BIN1: variants seen among roughly 807,000 people sequenced by gnomAD.
BIN1 encodes the protein bridging integrator 1.
BIN1 carries 53 observed loss-of-function variants against 82.0 expected under a neutral mutation model. The observed-to-expected ratio is 0.65, with a 90% confidence interval of 0.52 to 0.81. BIN1 has a LOEUF of 0.81. BIN1 is among the 40% of genes least tolerant of loss of function. The pLI is 0.00. For synonymous variants in BIN1, 302 were observed against 328.0 expected (o/e 0.92, Z 0.86); for missense variants, 642 against 784.4 (o/e 0.82, Z 2.17).
chr2:127,069,640 G>A (rs1685607218), intron 5 of BIN1, among the ~76,000 whole-genome samples: 1 of 152,100 alleles, frequency 6.6e-6, no homozygotes, highest in South Asian at 2.1e-4. Context: ...CACCCATGGT[G>A]TAAACACAGG....
chr2:127,101,133 G>A (rs1369151448), intron 1 of BIN1, among the ~76,000 whole-genome samples: 1 of 152,022 alleles, frequency 6.6e-6, no homozygotes, highest in Non-Finnish European at 1.5e-5. Flanking sequence ...CTCTCCTTTA[G>A]CAGCCCCTCC....
rs1407654072 is a variant in BIN1 at position 127,093,400 on chromosome 2, G to C, written c.84+13460C>G. ...CCAAAACCCCTTTTCCCCAAAGCCA[G>C]CCATGAAACCCAGATAGTTCACTCT... On this transcript the variant is annotated intron_variant, in intron 1 of 18. Coordinates refer to ENST00000316724, the MANE Select transcript of BIN1 (RefSeq NM_139343.3). This position sits in a 1 kb window ranked among gnomAD's most constrained non-coding sequence, Gnocchi z 5.7. 6.6e-6 allele frequency among the ~76,000 whole-genome samples: 1 copy of C among 152,098 alleles called. No homozygotes were observed. Among genetic ancestry groups the C allele is most frequent in the Non-Finnish European group, 1.5e-5 (1 of 68,018 alleles).
rs1290036007 is a variant in BIN1 at position 127,081,891 on chromosome 2, C to G, written c.85-5185G>C. On this transcript the variant is annotated intron_variant, in intron 1 of 18. Coordinates refer to ENST00000316724, the MANE Select transcript of BIN1 (RefSeq NM_139343.3). ...GGAAGGGCGGGCTGAGAAGTGAGCC[C>G]TGTCTCGCCCCTTCCTCCCAGCAGA... is the stretch of plus-strand genomic sequence containing the variant. 10 of 1,282,302 alleles carry G rather than the reference C, an allele frequency of 7.8e-6. No individual in the cohort carries two copies. The South Asian group carries it at 1.2e-4, about 16-fold the overall frequency. The allele number at this position is 1,282,302 out of a possible 1,614,324, so 79.4% of individuals were successfully genotyped here.
intron 10 of BIN1, chr2:127,060,512 C>T: frequency 6.3e-7 from 1 of 1,591,468 alleles, no homozygotes. Flanking sequence ...GTTAGTGGCA[C>T]CTGGGAGCAG....
At chr2:127,103,054 G>C (rs1467727381) in intron 1 of BIN1, among the ~76,000 whole-genome samples, 2 of 152,200 alleles carry the variant, frequency 1.3e-5, no homozygotes, top group South Asian at 2.1e-4. Context: ...CCTGGGAAGG[G>C]GGCGGGACCC....
At chr2:127,085,638 G>A (rs1040037694) in intron 1 of BIN1, among the ~76,000 whole-genome samples, 1 of 152,036 alleles carries the variant, frequency 6.6e-6, no homozygotes, top group African/African-American at 2.4e-5. Context: ...ACCAGAGATG[G>A]GGAAACCAAG....
chr2:127,071,394 G>A (rs1685876768), intron 2 of BIN1, among the ~76,000 whole-genome samples: 1 of 152,224 alleles, frequency 6.6e-6, no homozygotes, highest in Non-Finnish European at 1.5e-5. Flanking sequence ...AGAATGCGGT[G>A]GTCATGGCCA....
rs76030620 is a variant in BIN1, at chr2:127,081,890, C to T, written c.85-5184G>A. 346 of 1,282,304 alleles carry T rather than the reference C, an allele frequency of 2.7e-4. 3 individuals carry two copies. In the African/African-American group the frequency reaches 4.3e-3, roughly 16 times the overall value. 79.4% of individuals were successfully genotyped at this position (1,282,304 alleles called of 1,614,324 possible). A position where few individuals can be genotyped will look rare whatever the true frequency, so the allele number is the denominator to read the frequency against. ...AGGAAGGGCGGGCTGAGAAGTGAGC[C>T]CTGTCTCGCCCCTTCCTCCCAGCAG... On this transcript the variant is annotated intron_variant, in intron 1 of 18. Coordinates refer to ENST00000316724, the MANE Select transcript of BIN1 (RefSeq NM_139343.3).
chr2:127,052,383 G>A, intron 14 of BIN1, 21 bp from the exon 15 acceptor site: 1 of 1,559,318 alleles, frequency 6.4e-7, no homozygotes, highest in Non-Finnish European at 8.7e-7. Context: ...GCCACGAGGA[G>A]AGAACAGGGA....
At chr2:127,100,456 C>T (rs574573598) in intron 1 of BIN1, among the ~76,000 whole-genome samples, 1 of 152,304 alleles carries the variant, frequency 6.6e-6, no homozygotes, top group African/African-American at 2.4e-5. Context: ...CCAGGCCAGA[C>T]CCCACTACTG....
rs2105075177 is a variant in BIN1 at position 127,070,565 on chromosome 2, G to A, written c.303C>T (p.Asn101=). 1.2e-6 allele frequency: 2 copies of A among 1,614,088 alleles called. No homozygotes were observed. The highest frequency in any genetic ancestry group is 1.7e-6 in the Non-Finnish European group (2 of 1,180,014). ...EPDWPGRDEA[N]KIAENNDLLW... Reference sequence around the variant, plus strand: ...GTCCCATGCTCACCTCTGCGATCTTGTTTGCCTCATCCCTGCCGGGCCAAT... The same window carrying A: ...GTCCCATGCTCACCTCTGCGATCTTATTTGCCTCATCCCTGCCGGGCCAAT... Residue 101 remains asparagine, a synonymous_variant, in exon 4 of 19, where the codon AAC becomes AAT. Transcript: ENST00000316724.
rs1043611252 is a variant in BIN1, at chr2:127,093,209, G to C, written c.84+13651C>G. On this transcript the variant is annotated intron_variant, in intron 1 of 18. Transcript: ENST00000316724. This position sits in a 1 kb window ranked among gnomAD's most constrained non-coding sequence, Gnocchi z 5.7. ...GGCTCAGAACACAGCACCCCAAAGT[G>C]TGGTGCTGTGGCTCACTGCAGACTC... Among the ~76,000 whole-genome samples, 1 of 152,176 alleles carries C rather than the reference G, an allele frequency of 6.6e-6. No homozygotes were observed. Among genetic ancestry groups the C allele is most frequent in the African/African-American group, 2.4e-5 (1 of 41,438 alleles).
chr2:127,057,597 C>T lies in BIN1; in HGVS notation c.1007G>A (p.Arg336Gln), dbSNP rs748468354. ...ATLPKSPSQL[R>Q]KGPPVPPPPK... Reference sequence around the variant, plus strand: ...AGGCGGAGGGACTGGTGGGCCTTTCCGGAGCTGTGGGTCGGCGGCGGGTGA... The same window carrying T: ...AGGCGGAGGGACTGGTGGGCCTTTCTGGAGCTGTGGGTCGGCGGCGGGTGA... Residue 336 changes from arginine (R) to glutamine (Q), a missense_variant, in exon 12 of 19, where the codon CGG becomes CAG. Transcript: ENST00000316724. This position sits in a 1 kb window ranked among gnomAD's most constrained non-coding sequence, Gnocchi z 5.0. 21 of 1,526,100 alleles carry T rather than the reference C, an allele frequency of 1.4e-5. No homozygotes were observed. The highest frequency in any genetic ancestry group is 3.7e-5 in the South Asian group (3 of 81,790). The allele number at this position is 1,526,100 out of a possible 1,614,324, so 94.5% of individuals were successfully genotyped here.
intron 1 of BIN1, among the ~76,000 whole-genome samples, chr2:127,084,243 C>A (rs1677840085): frequency 1.3e-5 from 2 of 152,238 alleles, no homozygotes; most frequent in African/African-American, 4.8e-5. Context: ...GCAATAGCAT[C>A]TTGGCTGGAA....
chr2:127,094,562 T>A (rs1679343052), intron 1 of BIN1, among the ~76,000 whole-genome samples: 1 of 152,074 alleles, frequency 6.6e-6, no homozygotes, highest in East Asian at 1.9e-4. Context: ...CCTCTGTCTC[T>A]CCCCGCATGG....
intron 12 of BIN1, chr2:127,055,391 C>T (rs1160132977): frequency 6.6e-6 from 1 of 152,328 alleles, no homozygotes; most frequent in Non-Finnish European, 1.5e-5. Context: ...AGTGGACTCA[C>T]TTCCTAGAAC....
Position 127,068,967 on chromosome 2 carries a change from G to A in BIN1, c.476C>T (p.Ser159Phe). The change falls in exon 6 of 19, where the codon TCC (serine) becomes TTC (phenylalanine). Residue 159 changes from serine to phenylalanine, a missense_variant. Transcript: ENST00000316724. The surrounding 1 kb of genome is among the most constrained non-coding windows in gnomAD (Gnocchi z 4.9). Reference protein sequence around the residue: ...DYDSARHHYESLQTAKKKDEA... With the variant: ...DYDSARHHYEFLQTAKKKDEA... ...ATCCTTCTTTTTGGCAGTTTGAAGGGACTCGTAGTGGTGCCGGGCACTGTC... is the reference window on the plus strand; with the variant it reads ...ATCCTTCTTTTTGGCAGTTTGAAGGAACTCGTAGTGGTGCCGGGCACTGTC... 1.2e-6 allele frequency: 2 copies of A among 1,614,200 alleles called. No individual in the cohort carries two copies. The highest frequency in any genetic ancestry group is 1.7e-6 in the Non-Finnish European group (2 of 1,180,024).
At chr2:127,096,729 G>C (rs370064818) in intron 1 of BIN1, among the ~76,000 whole-genome samples, 52 of 152,320 alleles carry the variant, frequency 3.4e-4, no homozygotes, top group African/African-American at 1.2e-3. Flanking sequence ...GAGCTGCCAT[G>C]GGCCAAATGG....
At chr2:127,060,756 GCCTCT>G (rs1292188258) in intron 10 of BIN1, 1 of 1,369,096 alleles carries the variant, frequency 7.3e-7, no homozygotes, top group African/African-American at 1.4e-5. Flanking sequence ...AGGGGCAAAA[GCCTCT>G]CCTAAGTGCC....
Sources: allele counts gnomAD v4.1 joint callset (sites outside exome capture counted in the v4.1 genomes callset), GRCh38; gene constraint gnomAD v4.1.1; non-coding constraint Gnocchi (gnomAD v3.1); transcripts MANE v1.5; gene names NCBI Gene and HGNC (gene_info 2026-07-23, HGNC 2026-07-21).